Variants in VTA1 observed in about 807,000 individuals in gnomAD.
VTA1 encodes vacuolar protein sorting-associated protein VTA1 homolog.
In VTA1, 24 loss-of-function variants were observed where a neutral mutation model predicts 36.9. The ratio of observed to expected loss-of-function variants is 0.65; its 90% CI spans 0.47 to 0.91. The LOEUF (loss-of-function observed/expected upper bound fraction) is 0.91, where lower values mean the gene tolerates loss of function less well. Ranked by LOEUF, VTA1 falls within the 40% of genes least tolerant of loss-of-function variation. The pLI is 0.00. For missense variants in VTA1, 393 were observed against 377.2 expected (o/e 1.04, Z -0.35); for synonymous variants, 142 against 130.2 (o/e 1.09, Z -0.62).
Position 142,219,372 on chromosome 6 carries a change from A to G in VTA1, c.*729A>G, listed in dbSNP as rs546465405. On this transcript the variant is annotated 3_prime_UTR_variant, in exon 8 of 8. Coordinates refer to ENST00000367630, the MANE Select transcript of VTA1 (RefSeq NM_016485.5). ...ACTGCATGTATTAGAGAATGAAAAG[A>G]AGATATTTGTAGTAATGCCTGGAAA... 2 of 152,330 alleles carry G rather than the reference A, an allele frequency of 1.3e-5. No individual in the cohort carries two copies. Among genetic ancestry groups the G allele is most frequent in the East Asian group, 3.9e-4 (2 of 5,186 alleles). 9.4% of individuals were successfully genotyped at this position (152,330 alleles called of 1,614,324 possible).
rs114489516 is a variant in VTA1 at position 142,213,234 on chromosome 6, C to T, written c.779-5264C>T. 1.1e-3 allele frequency among the ~76,000 whole-genome samples: 166 copies of T among 152,338 alleles called. 1 individual carries two copies. The highest frequency in any genetic ancestry group is 3.8e-3 in the African/African-American group (158 of 41,586). ...ACAGGCCCCATGCAAGTCTGAAGCC[C>T]ACCAGGAAAGTCATTCAATTGTAAA... On this transcript the variant is annotated intron_variant, in intron 7 of 7. Coordinates refer to ENST00000367630, the MANE Select transcript of VTA1 (RefSeq NM_016485.5).
At chr6:142,207,057 A>G (rs1206344959) in intron 7 of VTA1, among the ~76,000 whole-genome samples, 2 of 152,148 alleles carry the variant, frequency 1.3e-5, no homozygotes, top group Admixed American at 6.5e-5. Context: ...CGAAAAACAA[A>G]TATACAGCAC....
intron 1 of VTA1, among the ~76,000 whole-genome samples, chr6:142,154,964 T>C (rs1005363885): frequency 1.3e-5 from 2 of 152,104 alleles, no homozygotes; most frequent in African/African-American, 4.8e-5. Flanking sequence ...TTCTTTAGAT[T>C]TAAAAAAATC....
chr6:142,214,544 C>A (rs1463758547), intron 7 of VTA1, among the ~76,000 whole-genome samples: 1 of 152,162 alleles, frequency 6.6e-6, no homozygotes, highest in Non-Finnish European at 1.5e-5. Context: ...TCCTACCAGG[C>A]CTCTCCTCCT....
chr6:142,197,810 C>T (rs1214422549), intron 5 of VTA1, among the ~76,000 whole-genome samples: 7 of 151,670 alleles, frequency 4.6e-5, no homozygotes. Flanking sequence ...TGTGGTGGCT[C>T]ACGCCTGTAA....
chr6:142,196,220 C>A (rs1775550126), intron 5 of VTA1, among the ~76,000 whole-genome samples: 1 of 152,126 alleles, frequency 6.6e-6, no homozygotes, highest in African/African-American at 2.4e-5. Flanking sequence ...AGTTAGCCAC[C>A]CCAGCTTTTG....
At chr6:142,152,100 G>T (rs1778579872) in intron 1 of VTA1, among the ~76,000 whole-genome samples, 1 of 146,580 alleles carries the variant, frequency 6.8e-6, no homozygotes, top group Non-Finnish European at 1.5e-5. Context: ...AACCTTATTT[G>T]TTATTACTAT....
chr6:142,147,434 C>T (rs1778470354), intron 1 of VTA1, 35 bp downstream of exon 1: 7 of 1,596,632 alleles, frequency 4.4e-6, no homozygotes, highest in Non-Finnish European at 6.0e-6. Context: ...CCTTTCTTTC[C>T]CAGTTGCATT....
chr6:142,157,946 G>A (rs970528226), intron 1 of VTA1, among the ~76,000 whole-genome samples: 1 of 138,368 alleles, frequency 7.2e-6, no homozygotes, highest in Non-Finnish European at 1.5e-5. Flanking sequence ...GCAATTCTTT[G>A]TTGTCAGGGC....
chr6:142,193,726 C>T (rs1182105928), intron 5 of VTA1, among the ~76,000 whole-genome samples: 1 of 151,510 alleles, frequency 6.6e-6, no homozygotes, highest in African/African-American at 2.4e-5. Flanking sequence ...ATCTAGTATA[C>T]AGCTATTGAT....
chr6:142,181,551 A>G (rs1180325254), intron 4 of VTA1, among the ~76,000 whole-genome samples: 1 of 151,052 alleles, frequency 6.6e-6, no homozygotes, highest in Non-Finnish European at 1.5e-5. Flanking sequence ...TGAGTAGAAG[A>G]TATGTGAGAG....
At chr6:142,195,429 T>G (rs1436148270) in intron 5 of VTA1, among the ~76,000 whole-genome samples, 1 of 151,926 alleles carries the variant, frequency 6.6e-6, no homozygotes, top group Non-Finnish European at 1.5e-5. Flanking sequence ...TATCACCTCC[T>G]TCATTTCTCA....
intron 5 of VTA1, among the ~76,000 whole-genome samples, chr6:142,192,141 G>T (rs545745347): frequency 1.3e-5 from 2 of 152,068 alleles, no homozygotes; most frequent in East Asian, 3.9e-4. Context: ...ATGATTTAAC[G>T]TATACTTTTT....
chr6:142,180,109 A>G (rs902448998), intron 4 of VTA1, among the ~76,000 whole-genome samples: 32 of 152,354 alleles, frequency 2.1e-4, no homozygotes, highest in African/African-American at 7.5e-4. Flanking sequence ...ATGCAGCAGT[A>G]GCAGTGAGCA....
At chr6:142,163,883 C>T (rs1302295173) in intron 1 of VTA1, among the ~76,000 whole-genome samples, 1 of 151,902 alleles carries the variant, frequency 6.6e-6, no homozygotes, top group African/African-American at 2.4e-5. Flanking sequence ...TATTGATGTA[C>T]TAATACTGTA....
At chr6:142,211,712 T>TA (rs915296407) in intron 7 of VTA1, among the ~76,000 whole-genome samples, 168 of 99,842 alleles carry the variant, frequency 1.7e-3, no homozygotes, top group Non-Finnish European at 4.0e-3. Flanking sequence ...CTCCATCTCT[T>TA]AAAAAAAAAA....
Position 142,189,470 on chromosome 6 carries a change from C to G in VTA1, c.456C>G (p.Ile152Met), listed in dbSNP as rs150897330. The G allele has an allele frequency of 6.2e-7, 1 of 1,613,790 alleles. No homozygotes were observed. Among genetic ancestry groups the G allele is most frequent in the Non-Finnish European group, 8.5e-7 (1 of 1,179,952 alleles). Residue 152 changes from isoleucine (I) to methionine (M), a missense_variant, in exon 5 of 8, where the codon ATC (isoleucine) becomes ATG (methionine). Transcript: ENST00000367630. ...RKYARWKATYIHNCLKNGETP... is the reference protein window; with the variant it reads ...RKYARWKATYMHNCLKNGETP... ...ATGCCAGATGGAAGGCAACATACAT[C>G]CATAATTGTTTAAAGAATGGGGAGA...
At chr6:142,168,174 G>C (rs2114643523) in intron 2 of VTA1, among the ~76,000 whole-genome samples, 1 of 152,014 alleles carries the variant, frequency 6.6e-6, no homozygotes, top group East Asian at 1.9e-4. Flanking sequence ...GAGATGAAGT[G>C]GCCTACTCTC....
chr6:142,189,172 A>G (rs1775403562), intron 4 of VTA1, among the ~76,000 whole-genome samples: 1 of 152,184 alleles, frequency 6.6e-6, no homozygotes, highest in Non-Finnish European at 1.5e-5. Context: ...TTTCCGTTGC[A>G]TATCCTTTCT....
Sources: allele counts gnomAD v4.1 joint callset (sites outside exome capture counted in the v4.1 genomes callset), GRCh38; gene constraint gnomAD v4.1.1; transcripts MANE v1.5; gene names NCBI Gene and HGNC (gene_info 2026-07-23, HGNC 2026-07-21).